Variants in ZNF557 observed in about 807,000 individuals in gnomAD.
ZNF557 encodes the protein zinc finger protein 557.
A neutral mutation model predicts 21.2 loss-of-function variants in ZNF557; 19 were observed. The observed-to-expected ratio is 0.90, with a 90% CI of 0.63 to 1.32. The LOEUF is 1.32. ZNF557 is among the 40% of genes most tolerant of loss of function. ZNF557 has a pLI of 0.00. For missense variants in ZNF557, 487 were observed against 519.8 expected (o/e 0.94, Z 0.61); for synonymous variants, 207 against 194.8 (o/e 1.06, Z -0.52).
intron 2 of ZNF557, among the ~76,000 whole-genome samples, chr19:7,072,441 T>A (rs1427047367): frequency 6.6e-6 from 1 of 152,120 alleles, no homozygotes; most frequent in East Asian, 1.9e-4. Context: ...TACATAAAGA[T>A]AAATTTGCTT....
Position 7,075,046 on chromosome 19 carries a change from G to C in ZNF557, c.-29G>C, listed in dbSNP as rs371273123. On this transcript the variant is annotated 5_prime_UTR_variant, in exon 3 of 8. Transcript: ENST00000252840. Reference sequence around the variant, plus strand: ...ATAAAGGAGGAGCGTCCTGCTTCCCGGCTGCCCTGTTGCTGTCGGAGTCAC... The same window carrying C: ...ATAAAGGAGGAGCGTCCTGCTTCCCCGCTGCCCTGTTGCTGTCGGAGTCAC... The C allele has an allele frequency of 6.2e-7, 1 of 1,613,880 alleles. No individual in the cohort carries two copies. Among genetic ancestry groups the C allele is most frequent in the Non-Finnish European group, 8.5e-7 (1 of 1,179,978 alleles).
chr19:7,079,759 G>A (rs1223210628), intron 5 of ZNF557, among the ~76,000 whole-genome samples: 1 of 152,100 alleles, frequency 6.6e-6, no homozygotes, highest in East Asian at 1.9e-4. Context: ...TTAGTGTTCA[G>A]CTTGGGATTA....
intron 5 of ZNF557, among the ~76,000 whole-genome samples, chr19:7,076,778 T>C (rs1203878700): frequency 6.6e-6 from 1 of 152,142 alleles, no homozygotes; most frequent in African/African-American, 2.4e-5. Flanking sequence ...CACTAATCTT[T>C]CCGTCTCTAT....
In ZNF557 at chr19:7,076,370, C is replaced by T; in HGVS notation, c.121-11C>T. 1.2e-6 allele frequency: 2 copies of T among 1,614,132 alleles called. No individual in the cohort carries two copies. The highest frequency in any genetic ancestry group is 1.7e-6 in the Non-Finnish European group (2 of 1,180,022). Reference sequence around the variant, plus strand: ...GTCCTTGGCTAAGCCGTGATGTTTGCAATGCTTTAGGGCTTGGTGACCTTT... The same window carrying T: ...GTCCTTGGCTAAGCCGTGATGTTTGTAATGCTTTAGGGCTTGGTGACCTTT... On this transcript the variant is annotated splice_polypyrimidine_tract_variant and intron_variant, in intron 4 of 7. Coordinates refer to ENST00000252840, the MANE Select transcript of ZNF557 (RefSeq NM_024341.3).
In ZNF557 at chr19:7,083,497, CAT is replaced by C. The variant is rs1599845311; in HGVS notation, c.1047_1048del (p.Cys350Ter). On this transcript the variant is annotated frameshift_variant, in exon 8 of 8. Transcript: ENST00000252840. LOFTEE classifies it low-confidence loss of function (END_TRUNC). ...ACTCATACTGGAGAAAAACCCTACA[CAT>C]GTAATGAGTGTGGGAAATCCTTTAC... 7 of 1,614,150 alleles carry C rather than the reference CAT, an allele frequency of 4.3e-6. No individual in the cohort carries two copies. The highest frequency in any genetic ancestry group is 2.2e-5 in the East Asian group (1 of 44,884).
In ZNF557 at chr19:7,084,911, AG is replaced by A. The variant is rs1977801049; in HGVS notation, c.*1171del. On this transcript the variant is annotated 3_prime_UTR_variant, in exon 8 of 8. Coordinates refer to ENST00000252840, the MANE Select transcript of ZNF557 (RefSeq NM_024341.3). ...TGTGTGGCATCAAAAATGGAAAACC[AG>A]GGGACACTCATTCCTTAAGTCACAT... The A allele has an allele frequency of 6.6e-6, 1 of 152,246 alleles. No individual in the cohort carries two copies. The highest frequency in any genetic ancestry group is 6.5e-5 in the Admixed American group (1 of 15,278). The allele number at this position is 152,246 out of a possible 1,614,324, so 9.4% of individuals were successfully genotyped here. A position where few individuals can be genotyped will look rare whatever the true frequency, so the allele number is the denominator to read the frequency against.
At chr19:7,080,468 T>C (rs1028548534) in intron 5 of ZNF557, among the ~76,000 whole-genome samples, 1 of 152,098 alleles carries the variant, frequency 6.6e-6, no homozygotes, top group Admixed American at 6.6e-5. Flanking sequence ...CACACTTCCC[T>C]CTCCACCCTC....
intron 2 of ZNF557, among the ~76,000 whole-genome samples, chr19:7,071,744 G>A (rs1432624691): frequency 1.5e-5 from 2 of 132,944 alleles, no homozygotes; most frequent in Non-Finnish European, 3.1e-5. Flanking sequence ...AGACTGCAGT[G>A]AGCCAAGATG....
chr19:7,074,380 A>G (rs980092951), intron 2 of ZNF557, among the ~76,000 whole-genome samples: 2 of 149,306 alleles, frequency 1.3e-5, no homozygotes, highest in African/African-American at 4.9e-5. Flanking sequence ...CTCATAAAAA[A>G]GGAAACATTC....
At chr19:7,075,626 A>C in intron 3 of ZNF557, 29 bp from the exon 4 acceptor site, 1 of 1,609,848 alleles carries the variant, frequency 6.2e-7, no homozygotes, top group Non-Finnish European at 8.5e-7. Context: ...GCAGGTGTGG[A>C]TTCCTGGTAC....
intron 2 of ZNF557, among the ~76,000 whole-genome samples, chr19:7,074,157 C>G (rs1438339015): frequency 6.6e-6 from 1 of 152,006 alleles, no homozygotes; most frequent in African/African-American, 2.4e-5. Context: ...TGTGCCATCA[C>G]GCCCAGCTAA....
chr19:7,075,017 C>A lies in ZNF557; in HGVS notation c.-58C>A. ...CCAGGGTGCTGTCCTGAGAGCGCTG[C>A]GGGATAAAGGAGGAGCGTCCTGCTT... On this transcript the variant is annotated 5_prime_UTR_variant, in exon 3 of 8. Transcript: ENST00000252840. 6.2e-7 allele frequency: 1 copy of A among 1,613,130 alleles called. No individual in the cohort carries two copies. The highest frequency in any genetic ancestry group is 1.7e-5 in the Admixed American group (1 of 59,998).
Position 7,083,586 on chromosome 19 carries a change from A to C in ZNF557, c.1135A>C (p.Ser379Arg). ...IHNGEKSYEC[S>R]DCGKSFNVLS... ...TAATGGAGAGAAATCCTATGAGTGC[A>C]GTGATTGTGGAAAATCCTTTAATGT... Residue 379 changes from serine (S) to arginine (R), a missense_variant, in exon 8 of 8, where the codon AGT becomes CGT. Transcript: ENST00000252840. 1.2e-6 allele frequency: 2 copies of C among 1,614,120 alleles called. No individual in the cohort carries two copies. Among genetic ancestry groups the C allele is most frequent in the Non-Finnish European group, 1.7e-6 (2 of 1,179,964 alleles).
chr19:7,077,392 T>C (rs147791931), intron 5 of ZNF557, among the ~76,000 whole-genome samples: 3,338 of 152,246 alleles, frequency 0.022, 61 homozygotes, highest in Non-Finnish European at 0.031. Flanking sequence ...CACCTCAGCC[T>C]CCCAAATTGC....
intron 5 of ZNF557, among the ~76,000 whole-genome samples, chr19:7,079,460 T>C (rs1211116902): frequency 6.6e-6 from 1 of 151,956 alleles, no homozygotes; most frequent in Non-Finnish European, 1.5e-5. Context: ...CAGGATGATC[T>C]CGATCTCCTG....
intron 7 of ZNF557, 47 bp downstream of exon 7, chr19:7,082,099 C>A: frequency 6.8e-7 from 1 of 1,479,950 alleles, no homozygotes. Flanking sequence ...GGTAGAATGC[C>A]CTACATGAGA....
chr19:7,074,293 A>G (rs1449274982), intron 2 of ZNF557, among the ~76,000 whole-genome samples: 2 of 147,926 alleles, frequency 1.4e-5, no homozygotes, highest in African/African-American at 5.0e-5. Context: ...GACAGGAGCC[A>G]CCGCGCCTGG....
In ZNF557 at chr19:7,086,359, T is replaced by TTC. The variant is rs1467047075; in HGVS notation, c.*2616_*2617insCT. ...CCTAATATAGCAAATACTGTTTCTTTTTTTTTTTTTTTTTTTTTTTGAGAC... is the reference window on the plus strand; with the variant it reads ...CCTAATATAGCAAATACTGTTTCTTTTCTTTTTTTTTTTTTTTTTTTTGAGAC... On this transcript the variant is annotated 3_prime_UTR_variant, in exon 8 of 8. Coordinates refer to ENST00000252840, the MANE Select transcript of ZNF557 (RefSeq NM_024341.3). 1 of 12,696 alleles carries TTC rather than the reference T, an allele frequency of 7.9e-5. No homozygotes were observed. The highest frequency in any genetic ancestry group is 1.5e-4 in the Non-Finnish European group (1 of 6,812). The allele number at this position is 12,696 out of a possible 1,614,324, so 0.8% of individuals were successfully genotyped here. A position where few individuals can be genotyped will look rare whatever the true frequency, so the allele number is the denominator to read the frequency against.
Position 7,082,911 on chromosome 19 carries a change from T to C in ZNF557, c.460T>C (p.Cys154Arg). ...TCATCTTGGAGCAACACTCAACGAA[T>C]GTAATCAGTGTTTTAAAGTCTTCAG... ...RNHLGATLNECNQCFKVFSTK... is the reference protein window; with the variant it reads ...RNHLGATLNERNQCFKVFSTK... Residue 154 changes from cysteine (C) to arginine (R), a missense_variant, in exon 8 of 8, where the codon TGT becomes CGT. By Grantham distance (180) the Cys-to-Arg change is radical. Coordinates refer to ENST00000252840, the MANE Select transcript of ZNF557 (RefSeq NM_024341.3). 2 of 1,603,474 alleles carry C rather than the reference T, an allele frequency of 1.2e-6. No homozygotes were observed. Among genetic ancestry groups the C allele is most frequent in the Non-Finnish European group, 1.7e-6 (2 of 1,173,828 alleles).
Sources: allele counts gnomAD v4.1 joint callset (sites outside exome capture counted in the v4.1 genomes callset), GRCh38; gene constraint gnomAD v4.1.1; transcripts MANE v1.5; gene names NCBI Gene and HGNC (gene_info 2026-07-23, HGNC 2026-07-21).